Variants in WDR90 observed in about 807,000 individuals in gnomAD.
WDR90 encodes WD repeat domain 90, also known as WD repeat-containing protein 90.
WDR90 carries 238 observed loss-of-function variants against 195.2 expected under a neutral mutation model. That is an observed-to-expected ratio of 1.22 (90% CI 1.10 to 1.36). WDR90 has a LOEUF of 1.36. WDR90 is among the 40% of genes most tolerant of loss of function. WDR90 has a pLI of 0.00. For missense variants in WDR90, 2,734 were observed against 2,439.5 expected (o/e 1.12, Z -2.54); for synonymous variants, 1,265 against 1,052.4 (o/e 1.20, Z -3.91).
At position 655,479 on chromosome 16, in the gene WDR90, G is replaced by A. The variant is rs1330815886; in HGVS notation, c.1718+11G>A. 1 of 1,528,638 alleles carries A rather than the reference G, an allele frequency of 6.5e-7. No individual in the cohort carries two copies. Among genetic ancestry groups the A allele is most frequent in the East Asian group, 2.3e-5 (1 of 42,826 alleles). 94.7% of individuals were successfully genotyped at this position (1,528,638 alleles called of 1,614,324 possible). A position where few individuals can be genotyped will look rare whatever the true frequency, so the allele number is the denominator to read the frequency against. On this transcript the variant is annotated intron_variant, in intron 15 of 40. Coordinates refer to ENST00000293879, the MANE Select transcript of WDR90 (RefSeq NM_145294.5). Reference sequence around the variant, plus strand: ...CTCGGCTGCCATGCTGTGAGTCCCTGCCCTTCCCCACGGCCTGCCCCGGCA... The same window carrying A: ...CTCGGCTGCCATGCTGTGAGTCCCTACCCTTCCCCACGGCCTGCCCCGGCA...
rs1029640156 is a variant in WDR90 at position 657,118 on chromosome 16, G to A, written c.2370G>A (p.Leu790=). ...GCCACCGAGGAGCTGTCACCGGCCT[G>A]ACCGCCACCCCTGACGGCCGCCTGC... ...HTCHRGAVTG[L]TATPDGRLLF... The change falls in exon 20 of 41, where the codon CTG becomes CTA. Residue 790 remains leucine (L), a synonymous_variant. Coordinates refer to ENST00000293879, the MANE Select transcript of WDR90 (RefSeq NM_145294.5). 3 of 1,590,330 alleles carry A rather than the reference G, an allele frequency of 1.9e-6. No homozygotes were observed. In the African/African-American group the frequency reaches 4.0e-5, roughly 21 times the overall value.
chr16:662,995 G>C (rs2037948775), intron 34 of WDR90, 151 bp downstream of exon 34: 1 of 1,187,208 alleles, frequency 8.4e-7, no homozygotes, highest in South Asian at 1.3e-5. Flanking sequence ...GGGAAGTCTT[G>C]GGTGTGCACG....
upstream of WDR90, chr16:649,191 G>T: frequency 2.3e-6 from 1 of 435,258 alleles, no homozygotes; most frequent in South Asian, 1.1e-4. Context: ...GCCTTGGGAG[G>T]CCCGCGGGGC....
At position 655,406 on chromosome 16, in the gene WDR90, G is replaced by A. The variant is rs770973325; in HGVS notation, c.1656G>A (p.Gln552=). ...ACTTAGGGGAGCACCACGCGCTGCA[G>A]TTCACCGACCTGGCCTTCAAGCAGG... The part of the protein sequence containing the change: ...PVDLGEHHAL[Q]FTDLAFKQAR... The change falls in exon 15 of 41, where the codon CAG becomes CAA. Residue 552 remains glutamine, a synonymous_variant. Coordinates refer to ENST00000293879, the MANE Select transcript of WDR90 (RefSeq NM_145294.5). 6.3e-7 allele frequency: 1 copy of A among 1,592,518 alleles called. No homozygotes were observed. Among genetic ancestry groups the A allele is most frequent in the Non-Finnish European group, 8.5e-7 (1 of 1,174,720 alleles).
In WDR90 at chr16:655,645, C is replaced by T. The variant is rs769166489; in HGVS notation, c.1791C>T (p.Arg597=). The part of the protein sequence containing the change: ...CQRMVVRHAR[R]LLPTRTPGGP... Reference sequence around the variant, plus strand: ...GCATGGTCGTGCGGCATGCCCGCCGCCTGCTCCCCACACGGACTCCAGGCG... The same window carrying T: ...GCATGGTCGTGCGGCATGCCCGCCGTCTGCTCCCCACACGGACTCCAGGCG... Residue 597 remains arginine, a synonymous_variant, in exon 16 of 41, where the codon CGC becomes CGT. Coordinates refer to ENST00000293879, the MANE Select transcript of WDR90 (RefSeq NM_145294.5). The T allele has an allele frequency of 1.2e-6, 2 of 1,607,102 alleles. No homozygotes were observed. Among genetic ancestry groups the T allele is most frequent in the Admixed American group, 3.4e-5 (2 of 59,282 alleles).
rs763905880 is a variant in WDR90 at position 658,604 on chromosome 16, G to A, written c.2846G>A (p.Arg949Gln). The A allele has an allele frequency of 1.3e-5, 21 of 1,612,568 alleles. No individual in the cohort carries two copies. Among genetic ancestry groups the A allele is most frequent in the Admixed American group, 3.3e-5 (2 of 59,994 alleles). Residue 949 changes from arginine (R) to glutamine (Q), a missense_variant, in exon 23 of 41, where the codon CGG becomes CAG. By Grantham distance (43) the Arg-to-Gln change is conservative (BLOSUM62 1). Coordinates refer to ENST00000293879, the MANE Select transcript of WDR90 (RefSeq NM_145294.5). Reference protein sequence around the residue: ...DARFLLIAAGRTIKVWDYATQ... With the variant: ...DARFLLIAAGQTIKVWDYATQ... ...CGCTTCCTGCTGATTGCCGCCGGCC[G>A]GACCATCAAGGTGTGGGACTACGCC... is the stretch of plus-strand genomic sequence containing the variant.
rs368843131 is a variant in WDR90 at position 667,581 on chromosome 16, G to A, written c.5239G>A (p.Gly1747Ser). The change falls in exon 41 of 41, where the codon GGC (glycine) becomes AGC (serine). Residue 1747 changes from glycine (G) to serine (S), a missense_variant. Gly to Ser is a moderately conservative substitution (Grantham distance 56, BLOSUM62 0). Transcript: ENST00000293879. ...CGAGATCCTTGTGTGGGAGGTCCCC[G>A]GCCTCTGAGATGCAGCAGGGACTGT... ...RNEILVWEVPGL is the reference protein window; with the variant it reads ...RNEILVWEVPSL 83 of 1,608,216 alleles carry A rather than the reference G, an allele frequency of 5.2e-5. No individual in the cohort carries two copies. Among genetic ancestry groups the A allele is most frequent in the African/African-American group, 4.4e-4 (33 of 75,056 alleles).
chr16:650,031 C>G lies in WDR90; in HGVS notation c.143C>G (p.Ser48Ter). 6.2e-7 allele frequency: 1 copy of G among 1,612,872 alleles called. No individual in the cohort carries two copies. The highest frequency in any genetic ancestry group is 8.5e-7 in the Non-Finnish European group (1 of 1,179,980). Residue 48 changes from serine to a stop codon, truncating the protein, a stop_gained, in exon 3 of 41, where the codon TCA becomes TGA. Coordinates refer to ENST00000293879, the MANE Select transcript of WDR90 (RefSeq NM_145294.5). LOFTEE classifies it high-confidence loss of function. ...GGCGCCGTGTATCGCATTCGGGGCTCAGTCTCTGCCGCCAACTACATCCAG... is the reference window on the plus strand; with the variant it reads ...GGCGCCGTGTATCGCATTCGGGGCTGAGTCTCTGCCGCCAACTACATCCAG... ...LKGAVYRIRGSVSAANYIQLP... is the reference protein window; with the variant it reads ...LKGAVYRIRG
At position 658,541 on chromosome 16, in the gene WDR90, C is replaced by T. The variant is rs773001112; in HGVS notation, c.2783C>T (p.Pro928Leu). 15 of 1,612,096 alleles carry T rather than the reference C, an allele frequency of 9.3e-6. No individual in the cohort carries two copies. In the East Asian group the frequency reaches 2.7e-4, roughly 29 times the overall value. Residue 928 changes from proline (P) to leucine (L), a missense_variant, in exon 23 of 41, where the codon CCT becomes CTT. Physicochemically the swap from Pro to Leu is moderately conservative, Grantham distance 98. Coordinates refer to ENST00000293879, the MANE Select transcript of WDR90 (RefSeq NM_145294.5). ...GTGTTCCAGCTGCCCGGTGTCCACCCTGAGCCCTGCCCCTCCTTGACGCTC... is the reference window on the plus strand; with the variant it reads ...GTGTTCCAGCTGCCCGGTGTCCACCTTGAGCCCTGCCCCTCCTTGACGCTC... ...RIIRELPGVHPEPCPSLTLSE... is the reference protein window; with the variant it reads ...RIIRELPGVHLEPCPSLTLSE...
chr16:655,520 C>T (rs1343079917), intron 15 of WDR90, 52 bp downstream of exon 15: 1 of 1,545,224 alleles, frequency 6.5e-7, no homozygotes, highest in Admixed American at 1.9e-5. Context: ...GCCCTGGTGC[C>T]TGGGCCTCCC....
intron 13 of WDR90, chr16:654,699 C>G (rs1450907556): frequency 2.9e-6 from 1 of 349,334 alleles, no homozygotes; most frequent in Non-Finnish European, 5.3e-6. Context: ...GTCCTCCCAC[C>G]TCAGCCTCCC....
rs1474900720 is a variant in WDR90 at position 658,770 on chromosome 16, C to A, written c.2895+117C>A. ...AGCAGAAGGTGAGGGGTGAGAGTGA[C>A]CCCCCAAGGATCCTCTGTGCCTCCG... On this transcript the variant is annotated intron_variant, in intron 23 of 40. Coordinates refer to ENST00000293879, the MANE Select transcript of WDR90 (RefSeq NM_145294.5). The A allele has an allele frequency of 4.5e-6, 7 of 1,548,842 alleles. No individual in the cohort carries two copies. In the African/African-American group the frequency reaches 6.8e-5, roughly 15 times the overall value.
chr16:661,536 C>A, intron 30 of WDR90, 35 bp downstream of exon 30: 1 of 1,542,828 alleles, frequency 6.5e-7, no homozygotes, highest in Non-Finnish European at 8.6e-7. Context: ...CAGGGGCTTC[C>A]CTAGACCCCG....
In WDR90 at chr16:667,416, CACCGTCT is replaced by C. The variant is rs1414024547; in HGVS notation, c.5090-12_5090-6del. ...CCTGGTCCTGGCCCTGGCCCACCTG[CACCGTCT>C]ACCCACAGAGTGCATGCTGAGGCTG... On this transcript the variant is annotated splice_polypyrimidine_tract_variant and intron_variant, in intron 40 of 40. Transcript: ENST00000293879. The C allele has an allele frequency of 2.5e-6, 4 of 1,584,460 alleles. No homozygotes were observed. The highest frequency in any genetic ancestry group is 3.4e-6 in the Non-Finnish European group (4 of 1,161,298).
In WDR90 at chr16:651,605, C is replaced by G. The variant is rs1026037416; in HGVS notation, c.737-39C>G. On this transcript the variant is annotated intron_variant, in intron 7 of 40. Coordinates refer to ENST00000293879, the MANE Select transcript of WDR90 (RefSeq NM_145294.5). ...TCACCCTCACCAGGCATCTGCACAG[C>G]TGGCCCCTGGGTCACTGGGGTTCTT... 3 of 1,595,790 alleles carry G rather than the reference C, an allele frequency of 1.9e-6. No homozygotes were observed. In the African/African-American group the frequency reaches 4.0e-5, roughly 21 times the overall value.
chr16:658,988 G>T lies in WDR90; in HGVS notation c.2988G>T (p.Trp996Cys). 6.2e-7 allele frequency: 1 copy of T among 1,613,066 alleles called. No individual in the cohort carries two copies. Among genetic ancestry groups the T allele is most frequent in the South Asian group, 1.1e-5 (1 of 91,084 alleles). The change falls in exon 24 of 41, where the codon TGG becomes TGT. Residue 996 changes from tryptophan to cysteine, a missense_variant. Coordinates refer to ENST00000293879, the MANE Select transcript of WDR90 (RefSeq NM_145294.5). The part of the protein sequence containing the change: ...VLSAGDAVFL[W>C]DVLAPTESDQ... ...GCGCAGGGGACGCCGTCTTCCTCTG[G>T]GATGTCCTGGCCCCTACTGAGAGGC... is the stretch of plus-strand genomic sequence containing the variant.
chr16:655,398 G>T lies in WDR90; in HGVS notation c.1648G>T (p.Ala550Ser), dbSNP rs547766719. The T allele has an allele frequency of 1.3e-6, 2 of 1,595,528 alleles. No individual in the cohort carries two copies. Among genetic ancestry groups the T allele is most frequent in the East Asian group, 2.2e-5 (1 of 44,518 alleles). Residue 550 changes from alanine (A) to serine (S), a missense_variant, in exon 15 of 41, where the codon GCG becomes TCG. Transcript: ENST00000293879. The part of the protein sequence containing the change: ...SCPVDLGEHH[A>S]LQFTDLAFKQ... ...CCCCGTGGACTTAGGGGAGCACCAC[G>T]CGCTGCAGTTCACCGACCTGGCCTT...
At chr16:662,935 C>G in intron 34 of WDR90, 91 bp downstream of exon 34, 1 of 1,514,354 alleles carries the variant, frequency 6.6e-7, no homozygotes, top group Non-Finnish European at 8.9e-7. Context: ...CCAGATGATT[C>G]CAAGTCCTGC....
At chr16:653,213 C>A in intron 10 of WDR90, 128 bp from the exon 11 acceptor site, 2 of 709,864 alleles carry the variant, frequency 2.8e-6, no homozygotes, top group Non-Finnish European at 4.5e-6. Flanking sequence ...TGGCTGTGTG[C>A]CCAGGTGTGT....
Sources: gnomAD v4.1 joint callset for allele counts on GRCh38, gnomAD v4.1.1 for gene constraint, MANE v1.5 for transcripts, NCBI Gene and HGNC (gene_info 2026-07-23, HGNC 2026-07-21) for gene names.